Variants in ZNF385D observed in about 807,000 individuals in gnomAD.
ZNF385D encodes zinc finger protein 659.
In ZNF385D, 15 loss-of-function variants were observed where a neutral mutation model predicts 35.8. That is an observed-to-expected ratio of 0.42 (90% CI 0.28 to 0.64). The LOEUF (loss-of-function observed/expected upper bound fraction) is 0.64, where lower values mean the gene tolerates loss of function less well. ZNF385D is among the 30% of genes least tolerant of loss of function. The pLI, the probability that ZNF385D is intolerant of heterozygous loss-of-function variation, is 0.23. For missense variants in ZNF385D, 474 were observed against 494.6 expected, an observed-to-expected ratio of 0.96 and a Z score of 0.39; for synonymous variants, 212 against 186.8, an observed-to-expected ratio of 1.13 and a Z score of -1.10.
At chr3:22,252,899 C>G (rs898668266) in intron 2 of ZNF385D, among the ~76,000 whole-genome samples, 3 of 152,032 alleles carry the variant, frequency 2.0e-5, no homozygotes, top group African/African-American at 7.2e-5. Flanking sequence ...GTTCCTTACT[C>G]CAGGCTGAAG....
intron 3 of ZNF385D, among the ~76,000 whole-genome samples, chr3:21,915,408 T>C (rs1232108253): frequency 6.6e-6 from 1 of 152,156 alleles, no homozygotes; most frequent in Non-Finnish European, 1.5e-5. Context: ...TTTAATAGCA[T>C]TGTGTTACTT....
intron 5 of ZNF385D, among the ~76,000 whole-genome samples, chr3:21,427,336 T>C (rs769160347): frequency 5.3e-5 from 8 of 152,198 alleles, no homozygotes; most frequent in Non-Finnish European, 7.3e-5. Context: ...GTAGGGCTAG[T>C]TTAGTTTATG....
rs34471727 is a variant in ZNF385D, at chr3:21,858,157, C to CAA, written c.326-193131_326-193130dup. Among the ~76,000 whole-genome samples, 438 of 119,498 alleles carry CAA rather than the reference C, an allele frequency of 3.7e-3. 5 individuals carry two copies. Among genetic ancestry groups the CAA allele is most frequent in the East Asian group, 9.6e-3 (38 of 3,968 alleles). 78.4% of individuals were successfully genotyped at this position (119,498 alleles called of 152,430 possible). ...TGCCTGGGACACAGCAAGAGTCTAT[C>CAA]AAAAAAAAAAAAAAAAGGGAAATAC... On this transcript the variant is annotated intron_variant, in intron 3 of 5. Coordinates refer to the ZNF385D transcript ENST00000494108.
Position 22,301,716 on chromosome 3 carries a change from T to C in ZNF385D, c.106+70734A>G, listed in dbSNP as rs150932413. Among the ~76,000 whole-genome samples, 1,182 of 152,178 alleles carry C rather than the reference T, an allele frequency of 7.8e-3. 17 individuals carry two copies. The highest frequency in any genetic ancestry group is 0.05 in the South Asian group (242 of 4,820). ...CTCTACCCTAGCACATTTCTTACCC[T>C]TGTGTCTGCAGGAAGCCATTATGAA... On this transcript the variant is annotated intron_variant, in intron 2 of 5. Transcript: ENST00000494108.
intron 3 of ZNF385D, among the ~76,000 whole-genome samples, chr3:21,806,188 CTTTTT>C (rs913479925): frequency 6.9e-6 from 1 of 144,016 alleles, no homozygotes; most frequent in Non-Finnish European, 1.5e-5. Flanking sequence ...TCTTTCCTTT[CTTTTT>C]TTTTTTAAAT....
chr3:21,780,669 G>T (rs1297536377), intron 3 of ZNF385D, among the ~76,000 whole-genome samples: 1 of 152,048 alleles, frequency 6.6e-6, no homozygotes, highest in Non-Finnish European at 1.5e-5. Context: ...TGGACTAATT[G>T]TATTTTACAT....
At chr3:22,330,638 C>T (rs1389988895) in intron 2 of ZNF385D, among the ~76,000 whole-genome samples, 2 of 152,182 alleles carry the variant, frequency 1.3e-5, no homozygotes, top group African/African-American at 2.4e-5. Flanking sequence ...TTCCCACTTT[C>T]CATCTCACTC....
chr3:21,818,159 C>A (rs2125725404), intron 3 of ZNF385D, among the ~76,000 whole-genome samples: 1 of 151,060 alleles, frequency 6.6e-6, no homozygotes, highest in Non-Finnish European at 1.5e-5. Flanking sequence ...TGGGGAACAC[C>A]ACACACGGGG....
chr3:22,326,431 A>T (rs1251465849), intron 2 of ZNF385D, among the ~76,000 whole-genome samples: 1 of 152,064 alleles, frequency 6.6e-6, no homozygotes, highest in Non-Finnish European at 1.5e-5. Context: ...TCTTCCAGGC[A>T]TTTTCTGCAT....
Position 21,646,825 on chromosome 3 carries a change from A to G in ZNF385D, c.165+18061T>C, listed in dbSNP as rs2065765742. On this transcript the variant is annotated intron_variant, in intron 2 of 7. Coordinates refer to ENST00000281523, the MANE Select transcript of ZNF385D (RefSeq NM_024697.3). This position sits in a 1 kb window ranked among gnomAD's most constrained non-coding sequence, Gnocchi z 4.3. ...CGGTCACAAATAGAAAGCAATGTTA[A>G]GTCCTGGGTTGCTACCTGTAATGGC... Among the ~76,000 whole-genome samples, 2 of 152,202 alleles carry G rather than the reference A, an allele frequency of 1.3e-5. No individual in the cohort carries two copies.
intron 2 of ZNF385D, among the ~76,000 whole-genome samples, chr3:22,188,461 T>G (rs1164476314): frequency 1.3e-5 from 2 of 152,140 alleles, no homozygotes; most frequent in African/African-American, 4.8e-5. Context: ...ACTATTTTTT[T>G]TTTTTTGAGA....
chr3:21,734,927 G>A (rs2069175418), intron 1 of ZNF385D, among the ~76,000 whole-genome samples: 1 of 146,672 alleles, frequency 6.8e-6, no homozygotes, highest in Admixed American at 6.7e-5. Flanking sequence ...CTGACAGTGA[G>A]GAATGGAATG....
chr3:21,800,826 T>C (rs764148408), intron 3 of ZNF385D, among the ~76,000 whole-genome samples: 1 of 152,112 alleles, frequency 6.6e-6, no homozygotes, highest in Non-Finnish European at 1.5e-5. Context: ...TATCTGCACA[T>C]AGTTTCGCTT....
chr3:21,695,412 C>A (rs1433512931), intron 1 of ZNF385D, among the ~76,000 whole-genome samples: 1 of 152,152 alleles, frequency 6.6e-6, no homozygotes. Context: ...TGTGTGTCAT[C>A]AGCAAGATGC....
At chr3:21,719,491 C>T (rs556284589) in intron 1 of ZNF385D, among the ~76,000 whole-genome samples, 18 of 152,238 alleles carry the variant, frequency 1.2e-4, no homozygotes, top group Admixed American at 8.5e-4. Context: ...AGAGAGCACG[C>T]GCACTTTAAT....
chr3:21,941,509 T>TGGTAGATCA, intron 3 of ZNF385D, among the ~76,000 whole-genome samples: 1 of 142,436 alleles, frequency 7.0e-6, no homozygotes, highest in South Asian at 2.4e-4. Context: ...TTTTTTTTTT[T>TGGTAGATCA]TTTTTTGAGA....
At chr3:21,810,998 G>GTATATATATATA (rs57333898) in intron 3 of ZNF385D, among the ~76,000 whole-genome samples, 2 of 144,452 alleles carry the variant, frequency 1.4e-5, no homozygotes, top group African/African-American at 5.1e-5. Context: ...GTGTGTGTGT[G>GTATATATATATA]TATATATATA....
intron 3 of ZNF385D, among the ~76,000 whole-genome samples, chr3:21,558,889 G>T (rs564971683): frequency 7.7e-4 from 117 of 151,288 alleles, no homozygotes; most frequent in Admixed American, 2.8e-3. Flanking sequence ...AGCTCTTCTT[G>T]TTGTATTGAT....
chr3:21,594,118 A>G (rs993160953), intron 2 of ZNF385D, among the ~76,000 whole-genome samples: 1 of 152,302 alleles, frequency 6.6e-6, no homozygotes, highest in East Asian at 1.9e-4. Context: ...GCTCTTTTGC[A>G]TGATGGAGTT....
Sources: gnomAD v4.1 joint callset for allele counts (sites outside exome capture counted in the v4.1 genomes callset) on GRCh38, gnomAD v4.1.1 for gene constraint, Gnocchi (gnomAD v3.1) non-coding constraint, MANE v1.5 for transcripts, NCBI Gene and HGNC (gene_info 2026-07-23, HGNC 2026-07-21) for gene names.